NLGN1: variants seen among roughly 807,000 people sequenced by gnomAD.
NLGN1 encodes neuroligin 1.
In NLGN1, 12 loss-of-function variants were observed where a neutral mutation model predicts 65.5. That is an observed-to-expected ratio of 0.18 (90% CI 0.12 to 0.30). NLGN1 has a LOEUF of 0.30. Ranked by LOEUF, NLGN1 falls within the 10% of genes least tolerant of loss-of-function variation. NLGN1 has a pLI of 1.00. For synonymous variants in NLGN1, 350 were observed against 359.5 expected (o/e 0.97, Z 0.30); for missense variants, 750 against 1,007.1 (o/e 0.74, Z 3.46).
intron 4 of NLGN1, among the ~76,000 whole-genome samples, chr3:174,234,631 G>A (rs1443140235): frequency 6.6e-6 from 1 of 152,124 alleles, no homozygotes; most frequent in Non-Finnish European, 1.5e-5. Context: ...TTTTCTTGGA[G>A]CTGGCTGCAA....
intron 2 of NLGN1, among the ~76,000 whole-genome samples, chr3:173,530,300 A>T (rs1736353716): frequency 6.6e-6 from 1 of 152,072 alleles, no homozygotes; most frequent in African/African-American, 2.4e-5. Flanking sequence ...CCTTGTTTTC[A>T]TTCCCACTGT....
At chr3:173,572,781 G>T (rs1474043095) in intron 2 of NLGN1, among the ~76,000 whole-genome samples, 2 of 152,256 alleles carry the variant, frequency 1.3e-5, no homozygotes, top group South Asian at 2.1e-4. Context: ...GGAGGATTTT[G>T]CTTACACTTC....
chr3:173,681,225 A>G (rs1202587753), intron 3 of NLGN1, among the ~76,000 whole-genome samples: 1 of 152,208 alleles, frequency 6.6e-6, no homozygotes, highest in Non-Finnish European at 1.5e-5. Context: ...AATATGGTAA[A>G]GAAATAGAAA....
At chr3:173,855,024 T>C (rs1319589638) in intron 4 of NLGN1, among the ~76,000 whole-genome samples, 3 of 152,104 alleles carry the variant, frequency 2.0e-5, no homozygotes, top group South Asian at 2.1e-4. Flanking sequence ...ATATTATTAA[T>C]GTACCATGCC....
intron 4 of NLGN1, among the ~76,000 whole-genome samples, chr3:174,030,048 A>T (rs930865476): frequency 6.6e-6 from 1 of 152,038 alleles, no homozygotes; most frequent in Non-Finnish European, 1.5e-5. Flanking sequence ...TATAATCATT[A>T]TCAATACAAT....
intron 4 of NLGN1, among the ~76,000 whole-genome samples, chr3:174,147,319 A>C (rs575454548): frequency 6.6e-6 from 1 of 151,954 alleles, no homozygotes; most frequent in African/African-American, 2.4e-5. Flanking sequence ...TCTACCGAAC[A>C]AGAGCAAATT....
At chr3:173,653,268 C>T (rs1219637935) in intron 3 of NLGN1, among the ~76,000 whole-genome samples, 2 of 152,124 alleles carry the variant, frequency 1.3e-5, no homozygotes, top group Non-Finnish European at 2.9e-5. Context: ...CTAGGACTTC[C>T]AGTACTGTGT....
intron 4 of NLGN1, among the ~76,000 whole-genome samples, chr3:173,874,542 G>A (rs1731771374): frequency 6.6e-6 from 1 of 152,078 alleles, no homozygotes; most frequent in Non-Finnish European, 1.5e-5. Context: ...AATATCTGTG[G>A]TTTCTATTAA....
chr3:173,742,317 G>A (rs1409083684), intron 3 of NLGN1, among the ~76,000 whole-genome samples: 2 of 152,014 alleles, frequency 1.3e-5, no homozygotes, highest in African/African-American at 4.8e-5. Flanking sequence ...GGCTGATGTC[G>A]CTGTACTAGG....
At chr3:174,161,388 A>G (rs939604409) in intron 4 of NLGN1, among the ~76,000 whole-genome samples, 1 of 151,892 alleles carries the variant, frequency 6.6e-6, no homozygotes, top group Admixed American at 6.6e-5. Context: ...GTGCTTGTAT[A>G]AAAATTTGTT....
At chr3:173,638,858 A>G (rs1011371382) in intron 3 of NLGN1, among the ~76,000 whole-genome samples, 2 of 152,210 alleles carry the variant, frequency 1.3e-5, no homozygotes, top group African/African-American at 4.8e-5. Context: ...TGTGCTAATT[A>G]TAGGTATTAA....
exon 7 of NLGN1, chr3:174,281,352 T>C (rs1751514593): frequency 8.4e-7 from 1 of 1,193,170 alleles, no homozygotes; most frequent in African/African-American, 1.5e-5. Context: ...CAGTAAACGA[T>C]CACTGAAGAT....
At chr3:174,096,551 C>G (rs991512561) in intron 4 of NLGN1, among the ~76,000 whole-genome samples, 1 of 152,102 alleles carries the variant, frequency 6.6e-6, no homozygotes, top group East Asian at 1.9e-4. Flanking sequence ...AAATGGATAA[C>G]TTTTAAATGG....
At chr3:174,059,170 C>T (rs979601653) in intron 4 of NLGN1, among the ~76,000 whole-genome samples, 9 of 152,068 alleles carry the variant, frequency 5.9e-5, no homozygotes, top group African/African-American at 1.9e-4. Flanking sequence ...GCTTGGGCCC[C>T]GGAGCCTATG....
intron 3 of NLGN1, among the ~76,000 whole-genome samples, chr3:173,750,891 T>C (rs1234198587): frequency 1.3e-5 from 2 of 152,116 alleles, no homozygotes; most frequent in African/African-American, 4.8e-5. Flanking sequence ...CTGGGATCAT[T>C]AGAACATTTC....
In NLGN1 at chr3:173,967,626, A is replaced by G. The variant is rs576752750; in HGVS notation, c.646+159794A>G. On this transcript the variant is annotated intron_variant, in intron 4 of 6. Coordinates refer to ENST00000457714, the Ensembl canonical transcript of NLGN1. The stretch of plus-strand genomic sequence containing the variant: ...TTATTTAGTTTCTGTTTTCTTTGGC[A>G]TGTTCTCTATAATTTTTACTTCTTA... Among the ~76,000 whole-genome samples, 3 of 152,104 alleles carry G rather than the reference A, an allele frequency of 2.0e-5. No individual in the cohort carries two copies. In the East Asian group the frequency reaches 5.8e-4, roughly 29 times the overall value.
At chr3:173,696,360 A>T (rs1428881266) in intron 3 of NLGN1, among the ~76,000 whole-genome samples, 1 of 152,154 alleles carries the variant, frequency 6.6e-6, no homozygotes, top group Non-Finnish European at 1.5e-5. Context: ...CATAGTGGGA[A>T]AATGGCTATG....
rs139313156 is a variant in NLGN1, at chr3:174,162,198, C to T, written c.647-113117C>T. Among the ~76,000 whole-genome samples, 33 of 151,914 alleles carry T rather than the reference C, an allele frequency of 2.2e-4. No homozygotes were observed. The East Asian group carries it at 5.0e-3, about 23-fold the overall frequency. On this transcript the variant is annotated intron_variant, in intron 4 of 6. Transcript: ENST00000457714. ...CAATATAAATGTAGTTATATCATAC[C>T]TTTCACACACAAATAGAATTAAAAA...
intron 4 of NLGN1, among the ~76,000 whole-genome samples, chr3:174,228,045 G>A (rs937191079): frequency 1.3e-5 from 2 of 151,656 alleles, no homozygotes; most frequent in Non-Finnish European, 2.9e-5. Flanking sequence ...ATTGTTATTC[G>A]CTCAGGATTA....
Sources: gnomAD v4.1 joint callset for allele counts (sites outside exome capture counted in the v4.1 genomes callset) on GRCh38, gnomAD v4.1.1 for gene constraint, MANE v1.5 for transcripts, NCBI Gene and HGNC (gene_info 2026-07-23, HGNC 2026-07-21) for gene names.